DAB1: variants seen among roughly 807,000 people sequenced by gnomAD.
DAB1 encodes the protein DAB adaptor protein 1.
Under a neutral mutation model 64.6 loss-of-function variants are expected in DAB1, and 15 were observed. The ratio of observed to expected loss-of-function variants is 0.23; its 90% CI spans 0.16 to 0.36. The LOEUF (loss-of-function observed/expected upper bound fraction) is 0.36. Among genes scored for constraint, DAB1 ranks in the 10% least tolerant of loss-of-function variants. The pLI is 1.00. For missense variants in DAB1, 596 were observed against 706.7 expected (o/e 0.84, Z 1.78); for synonymous variants, 235 against 251.9 (o/e 0.93, Z 0.64).
chr1:57,779,651 G>A (rs942435367), intron 6 of DAB1, among the ~76,000 whole-genome samples: 7 of 152,290 alleles, frequency 4.6e-5, no homozygotes, highest in African/African-American at 7.2e-5. Context: ...TATGTTGTGT[G>A]AAGCAGAAAT....
intron 3 of DAB1, chr1:58,468,813 C>A (rs967233778): frequency 6.2e-6 from 1 of 160,508 alleles, no homozygotes; most frequent in Non-Finnish European, 1.3e-5. Flanking sequence ...AGCTCTAGTG[C>A]CCCTGCTATA....
At chr1:57,984,742 A>G (rs1646169988) in intron 5 of DAB1, among the ~76,000 whole-genome samples, 1 of 152,236 alleles carries the variant, frequency 6.6e-6, no homozygotes, top group African/African-American at 2.4e-5. Context: ...AATTGCATTT[A>G]TCTGCTCCCT....
intron 4 of DAB1, among the ~76,000 whole-genome samples, chr1:58,337,506 G>T (rs569065934): frequency 1.1e-4 from 16 of 152,238 alleles, no homozygotes; most frequent in African/African-American, 3.8e-4. Flanking sequence ...CAGTGGGGAA[G>T]AATTTGTGTT....
At chr1:57,088,537 A>C (rs1339676376) in intron 4 of DAB1, among the ~76,000 whole-genome samples, 2 of 152,162 alleles carry the variant, frequency 1.3e-5, no homozygotes. Context: ...GGAGGGTAGG[A>C]GCCTAAGTTT....
At chr1:56,998,524 A>G (rs374096378) in intron 14 of DAB1, among the ~76,000 whole-genome samples, 1 of 152,236 alleles carries the variant, frequency 6.6e-6, no homozygotes. Context: ...CATATAAAGT[A>G]TCTAGCACAA....
chr1:58,300,939 A>G (rs1366580773), intron 4 of DAB1, among the ~76,000 whole-genome samples: 6 of 151,958 alleles, frequency 3.9e-5, no homozygotes, highest in Non-Finnish European at 8.8e-5. Context: ...GATTTTCCTC[A>G]TTGTCTTCTC....
intron 2 of DAB1, among the ~76,000 whole-genome samples, chr1:57,211,482 G>A (rs1218009619): frequency 1.3e-5 from 2 of 152,188 alleles, no homozygotes; most frequent in Non-Finnish European, 2.9e-5. Flanking sequence ...GAGAGGTGCT[G>A]CATTCAAATC....
intron 14 of DAB1, among the ~76,000 whole-genome samples, chr1:57,003,099 T>C (rs1645931133): frequency 6.6e-6 from 1 of 152,226 alleles, no homozygotes; most frequent in Non-Finnish European, 1.5e-5. Flanking sequence ...CTCTCAGTTA[T>C]TAATAAAAGA....
chr1:57,459,477 C>T (rs1468738787), intron 7 of DAB1, among the ~76,000 whole-genome samples: 1 of 152,162 alleles, frequency 6.6e-6, no homozygotes, highest in Non-Finnish European at 1.5e-5. Context: ...TAAGAGTATG[C>T]ATGAGCATTT....
intron 6 of DAB1, among the ~76,000 whole-genome samples, chr1:57,754,756 C>T (rs1648722409): frequency 6.6e-6 from 1 of 152,130 alleles, no homozygotes; most frequent in Admixed American, 6.5e-5. Flanking sequence ...CAAAGGTCTG[C>T]CACTGGTCCA....
chr1:58,042,014 C>T (rs1647144531), intron 5 of DAB1, among the ~76,000 whole-genome samples: 1 of 152,208 alleles, frequency 6.6e-6, no homozygotes, highest in Non-Finnish European at 1.5e-5. Flanking sequence ...TCTACCAAGT[C>T]TCTTCCTTAT....
chr1:57,433,780 TAAAG>T (rs897347882), intron 7 of DAB1, among the ~76,000 whole-genome samples: 15 of 132,694 alleles, frequency 1.1e-4, no homozygotes, highest in African/African-American at 1.7e-4. Flanking sequence ...TCCAAAAAAA[TAAAG>T]AAATTCTTCA....
chr1:57,947,841 G>A (rs985055514), intron 5 of DAB1, among the ~76,000 whole-genome samples: 2 of 152,170 alleles, frequency 1.3e-5, no homozygotes, highest in African/African-American at 2.4e-5. Flanking sequence ...AGTTCAGATC[G>A]TCAGTATGTC....
intron 7 of DAB1, among the ~76,000 whole-genome samples, chr1:57,488,152 C>A (rs1251978398): frequency 6.6e-6 from 1 of 152,016 alleles, no homozygotes; most frequent in Admixed American, 6.5e-5. Context: ...ACCTGTAATC[C>A]AAGAACTTTG....
chr1:57,565,840 C>A (rs568465733), intron 7 of DAB1, among the ~76,000 whole-genome samples: 1 of 152,202 alleles, frequency 6.6e-6, no homozygotes, highest in Non-Finnish European at 1.5e-5. Flanking sequence ...GACTTTAACA[C>A]CCCACTGTCA....
intron 1 of DAB1, among the ~76,000 whole-genome samples, chr1:57,375,408 C>A (rs1288263266): frequency 1.3e-5 from 2 of 152,102 alleles, no homozygotes; most frequent in Non-Finnish European, 2.9e-5. Context: ...TGATTCCAAC[C>A]CTGGTGACAA....
chr1:57,697,578 A>G (rs1483941241), intron 6 of DAB1, among the ~76,000 whole-genome samples: 1 of 152,204 alleles, frequency 6.6e-6, no homozygotes, highest in East Asian at 1.9e-4. Flanking sequence ...AGTCAAAGTC[A>G]TTAACATCTC....
At chr1:57,141,881 C>G (rs183336745) in intron 3 of DAB1, among the ~76,000 whole-genome samples, 1 of 152,086 alleles carries the variant, frequency 6.6e-6, no homozygotes, top group Non-Finnish European at 1.5e-5. Flanking sequence ...AATACAATTA[C>G]GGGCAAAACT....
At chr1:57,625,691 A>C (rs1212933606) in intron 7 of DAB1, among the ~76,000 whole-genome samples, 1 of 152,122 alleles carries the variant, frequency 6.6e-6, no homozygotes, top group Non-Finnish European at 1.5e-5. Context: ...GACTTTAAGG[A>C]ATGGTAAAAA....
Sources: allele counts gnomAD v4.1 joint callset (sites outside exome capture counted in the v4.1 genomes callset), GRCh38; gene constraint gnomAD v4.1.1; transcripts MANE v1.5; gene names NCBI Gene and HGNC (gene_info 2026-07-23, HGNC 2026-07-21).